The following NPSR1 variants were observed in gnomAD, a reference collection of about 807,000 sequenced individuals.
NPSR1 encodes the protein neuropeptide S receptor.
In NPSR1, 48 loss-of-function variants were observed where a neutral mutation model predicts 46.9. The observed-to-expected ratio is 1.02, with a 90% CI of 0.81 to 1.30. The LOEUF (loss-of-function observed/expected upper bound fraction) is 1.30. NPSR1 is among the 50% of genes most tolerant of loss of function. The pLI is 0.00. For synonymous variants in NPSR1, 176 were observed against 168.1 expected (o/e 1.05, Z -0.36); for missense variants, 450 against 449.5 (o/e 1.00, Z -0.01).
chr7:34,677,960 A>C (rs1562645019), intron 1 of NPSR1, among the ~76,000 whole-genome samples: 1 of 152,186 alleles, frequency 6.6e-6, no homozygotes, highest in African/African-American at 2.4e-5. Flanking sequence ...TGTATCTACT[A>C]TCTTCCTCAC....
chr7:34,739,363 T>TTAGA (rs1784828917), intron 2 of NPSR1, among the ~76,000 whole-genome samples: 3 of 152,272 alleles, frequency 2.0e-5, no homozygotes, highest in Non-Finnish European at 4.4e-5. Flanking sequence ...ATCAGCAATG[T>TTAGA]ACAAGAGTTC....
chr7:34,774,048 A>G (rs781538214), intron 2 of NPSR1, among the ~76,000 whole-genome samples: 2 of 152,120 alleles, frequency 1.3e-5, no homozygotes, highest in South Asian at 2.1e-4. Flanking sequence ...AAACCTATAC[A>G]TATATTCACA....
At chr7:34,725,157 C>T (rs1562680876) in intron 2 of NPSR1, among the ~76,000 whole-genome samples, 1 of 151,098 alleles carries the variant, frequency 6.6e-6, no homozygotes, top group Admixed American at 6.6e-5. Flanking sequence ...ACACACAGAG[C>T]TCTCAGAACA....
chr7:34,849,782 C>T lies in NPSR1; in HGVS notation c.*127C>T. The T allele has an allele frequency of 6.6e-7, 1 of 1,506,458 alleles. No homozygotes were observed. Among genetic ancestry groups the T allele is most frequent in the Non-Finnish European group, 8.8e-7 (1 of 1,130,476 alleles). The allele number at this position is 1,506,458 out of a possible 1,614,324, so 93.3% of individuals were successfully genotyped here. On this transcript the variant is annotated 3_prime_UTR_variant, in exon 9 of 9. Transcript: ENST00000360581. ...CCCTCGTCATTACCTGGGAGATGCA[C>T]AAGACAAATGTTCTAATGACTGCAT...
At chr7:34,770,920 G>A (rs973558623) in intron 2 of NPSR1, among the ~76,000 whole-genome samples, 6 of 152,170 alleles carry the variant, frequency 3.9e-5, no homozygotes, top group African/African-American at 1.4e-4. Flanking sequence ...AAGGCCAAAG[G>A]GAGAAAGAGG....
chr7:34,766,179 G>A (rs751621356), intron 2 of NPSR1, among the ~76,000 whole-genome samples: 6 of 152,136 alleles, frequency 3.9e-5, no homozygotes, highest in Non-Finnish European at 8.8e-5. Flanking sequence ...ACAACTAAAA[G>A]AAAACACACT....
At chr7:34,701,159 C>T (rs1356860013) in intron 2 of NPSR1, among the ~76,000 whole-genome samples, 1 of 152,130 alleles carries the variant, frequency 6.6e-6, no homozygotes, top group Admixed American at 6.5e-5. Context: ...AAATATGCTG[C>T]TTTCATATAT....
At chr7:34,716,059 C>T (rs1320669514) in intron 2 of NPSR1, among the ~76,000 whole-genome samples, 1 of 151,814 alleles carries the variant, frequency 6.6e-6, no homozygotes, top group Non-Finnish European at 1.5e-5. Flanking sequence ...GAGCTGAGTC[C>T]ACCAGGATGT....
chr7:34,814,574 G>C (rs35738101), intron 4 of NPSR1, among the ~76,000 whole-genome samples: 18,655 of 152,274 alleles, frequency 0.12, 1,434 homozygotes, highest in Non-Finnish European at 0.17. Flanking sequence ...CTCTGAGAAT[G>C]GACAGACTGC....
chr7:34,815,836 A>G (rs533165144), intron 4 of NPSR1, among the ~76,000 whole-genome samples: 25 of 152,328 alleles, frequency 1.6e-4, no homozygotes, highest in African/African-American at 5.8e-4. Context: ...AGTGAAGGAG[A>G]AATAAAATCC....
chr7:34,736,433 C>T (rs7457172), intron 2 of NPSR1, among the ~76,000 whole-genome samples: 1 of 151,888 alleles, frequency 6.6e-6, no homozygotes, highest in Non-Finnish European at 1.5e-5. Context: ...CCTCAACTTC[C>T]TTCACCCTGC....
intron 3 of NPSR1, chr7:34,779,659 T>C (rs566005132): frequency 2.5e-4 from 236 of 932,678 alleles, no homozygotes; most frequent in Non-Finnish European, 3.3e-4. Context: ...CCTTTTCTAT[T>C]ATGTACGGCT....
At chr7:34,671,605 A>C (rs918995119) in intron 1 of NPSR1, among the ~76,000 whole-genome samples, 6 of 152,208 alleles carry the variant, frequency 3.9e-5, no homozygotes, top group South Asian at 2.1e-4. Flanking sequence ...AATTGAGTGC[A>C]CACCAACTCA....
At chr7:34,675,477 C>A (rs1792268569) in intron 1 of NPSR1, among the ~76,000 whole-genome samples, 1 of 152,188 alleles carries the variant, frequency 6.6e-6, no homozygotes, top group Non-Finnish European at 1.5e-5. Context: ...GAGATAATTC[C>A]CATTTCAAAT....
chr7:34,767,041 C>T (rs763216130), intron 2 of NPSR1, among the ~76,000 whole-genome samples: 6 of 152,244 alleles, frequency 3.9e-5, no homozygotes, highest in East Asian at 1.9e-4. Context: ...GGGAATTTCT[C>T]GACAGTTGTA....
chr7:34,727,851 G>T (rs1294459290), intron 2 of NPSR1, among the ~76,000 whole-genome samples: 1 of 152,092 alleles, frequency 6.6e-6, no homozygotes, highest in Admixed American at 6.5e-5. Flanking sequence ...TTGAGCCTAT[G>T]TGAGTGTAAC....
chr7:34,688,957 C>T (rs1485872403), intron 2 of NPSR1, among the ~76,000 whole-genome samples: 1 of 152,204 alleles, frequency 6.6e-6, no homozygotes, highest in Non-Finnish European at 1.5e-5. Flanking sequence ...TAAGCTTCCC[C>T]CACTTCCTGT....
chr7:34,836,532 A>G (rs1342963365), intron 6 of NPSR1, among the ~76,000 whole-genome samples: 2 of 152,278 alleles, frequency 1.3e-5, no homozygotes, highest in Admixed American at 6.5e-5. Flanking sequence ...GTTGTATCAT[A>G]TGCTACAAGG....
At chr7:34,864,329 A>G (rs2128768552) in intron 8 of NPSR1, among the ~76,000 whole-genome samples, 1 of 151,454 alleles carries the variant, frequency 6.6e-6, no homozygotes, top group East Asian at 1.9e-4. Context: ...TATGTAACAA[A>G]CCTGCACGTT....
Sources: allele counts gnomAD v4.1 joint callset (sites outside exome capture counted in the v4.1 genomes callset), GRCh38; gene constraint gnomAD v4.1.1; transcripts MANE v1.5; gene names NCBI Gene and HGNC (gene_info 2026-07-23, HGNC 2026-07-21).